Variants in RBMX2 observed in about 807,000 individuals in gnomAD.
RBMX2 encodes RNA binding motif protein X-linked 2, also known as RNA-binding motif protein, X-linked 2.
For synonymous variants in RBMX2, 77 were observed against 94.3 expected (o/e 0.82, Z 1.07); for missense variants, 191 against 256.0 (o/e 0.75, Z 1.73).
In RBMX2 at chrX:130,404,295, T is replaced by C. The variant is rs73634092; in HGVS notation, c.173+442T>C. The C allele has an allele frequency of 7.2e-3, 898 of 125,055 alleles. 14 individuals are homozygous for C. The highest frequency in any genetic ancestry group is 0.027 in the African/African-American group (856 of 31,727). The allele number at this position is 125,055 out of a possible 1,213,427, so 10.3% of individuals were successfully genotyped here. On this transcript the variant is annotated intron_variant, in intron 3 of 5. Coordinates refer to ENST00000305536, the MANE Select transcript of RBMX2 (RefSeq NM_016024.4). ...TTTGCTTTCTTTGTTTCTCGATGAG[T>C]GTAAGGTTAGTGAGCAAAGGCAATC... is the stretch of plus-strand genomic sequence containing the variant.
At position 130,409,362 on chromosome X, in the gene RBMX2, C is replaced by T. The variant is rs779160357; in HGVS notation, c.279C>T (p.Ala93=). 20 of 1,206,103 alleles carry T rather than the reference C, an allele frequency of 1.7e-5. No homozygotes were observed. Among genetic ancestry groups the T allele is most frequent in the Middle Eastern group, 2.3e-4 (1 of 4,360 alleles). ...CYEDQRSTIL[A]VDNFNGIKIK... ...AAGACCAGAGGAGCACAATTCTGGC[C>T]GTCGACAATTTTAATGGGATCAAGG... The change falls in exon 4 of 6, where the codon GCC becomes GCT. Residue 93 remains alanine (A), a synonymous_variant. Transcript: ENST00000305536.
Position 130,412,374 on chromosome X carries a change from A to G in RBMX2, c.495A>G (p.Lys165=), listed in dbSNP as rs374930604. Residue 165 remains lysine, a synonymous_variant, in exon 6 of 6, where the codon AAA becomes AAG. Coordinates refer to ENST00000305536, the MANE Select transcript of RBMX2 (RefSeq NM_016024.4). ...TKKHKKDKKE[K]KKKKKEKEKA... ...TTTATCCTCCAGACAAAAAGGAAAA[A>G]AAGAAAAAAAAGAAAGAAAAAGAGA... The G allele has an allele frequency of 1.5e-5, 17 of 1,151,425 alleles. No homozygotes were observed. The highest frequency in any genetic ancestry group is 2.0e-5 in the Non-Finnish European group (17 of 870,406). The allele number at this position is 1,151,425 out of a possible 1,213,427, so 94.9% of individuals were successfully genotyped here. A position where few individuals can be genotyped will look rare whatever the true frequency, so the allele number is the denominator to read the frequency against.
At position 130,412,973 on chromosome X, in the gene RBMX2, T is replaced by C; in HGVS notation, c.*125T>C. The stretch of plus-strand genomic sequence containing the variant: ...CTGGATTCTTTTAATCCCTTGACTA[T>C]TTAGAGTCATTGGGAGGGCTGCAGT... On this transcript the variant is annotated 3_prime_UTR_variant, in exon 6 of 6. Transcript: ENST00000305536. 1.4e-6 allele frequency: 1 copy of C among 707,592 alleles called. No homozygotes were observed. Among genetic ancestry groups the C allele is most frequent in the South Asian group, 2.9e-5 (1 of 33,931 alleles). The allele number at this position is 707,592 out of a possible 1,213,427, so 58.3% of individuals were successfully genotyped here.
At chrX:130,408,341 A>G (rs1047218356) in intron 3 of RBMX2, among the ~76,000 whole-genome samples, 1 of 112,007 alleles carries the variant, frequency 8.9e-6, no homozygotes, top group African/African-American at 3.2e-5. Context: ...TGCTTTCATT[A>G]GGTTTGCTTT....
intron 4 of RBMX2, among the ~76,000 whole-genome samples, chrX:130,410,665 G>A (rs1264150995): frequency 8.9e-6 from 1 of 112,297 alleles, no homozygotes; most frequent in Admixed American, 9.4e-5. Flanking sequence ...GGGATTACAG[G>A]TGTGAGCCAC....
intron 5 of RBMX2, among the ~76,000 whole-genome samples, chrX:130,411,933 C>G (rs1476826397): frequency 9.0e-6 from 1 of 111,162 alleles, no homozygotes; most frequent in Non-Finnish European, 1.9e-5. Flanking sequence ...TGCACATTCC[C>G]CACTTCCTAG....
rs1225178103 is a variant in RBMX2, at chrX:130,401,991, C to T, written c.-42C>T. 3 of 1,179,737 alleles carry T rather than the reference C, an allele frequency of 2.5e-6. No homozygotes were observed. The highest frequency in any genetic ancestry group is 1.7e-5 in the African/African-American group (1 of 57,213). On this transcript the variant is annotated 5_prime_UTR_variant, in exon 1 of 6. Coordinates refer to ENST00000305536, the MANE Select transcript of RBMX2 (RefSeq NM_016024.4). ...GCCGCGCATGCGCTGCGCTGCCTTT[C>T]CCGGGCGCTGATTCCTGAGTGCTGA... is the stretch of plus-strand genomic sequence containing the variant.
Position 130,412,888 on chromosome X carries a change from T to G in RBMX2, c.*40T>G, listed in dbSNP as rs1317902380. The G allele has an allele frequency of 8.8e-7, 1 of 1,139,171 alleles. No homozygotes were observed. 93.9% of individuals were successfully genotyped at this position (1,139,171 alleles called of 1,213,427 possible). ...CAGTAGATTTGGAAATAATTATGTT[T>G]TTTAAATGCAGTCAAATTCAGTTGG... is the stretch of plus-strand genomic sequence containing the variant. On this transcript the variant is annotated 3_prime_UTR_variant, in exon 6 of 6. Transcript: ENST00000305536.
Position 130,401,999 on chromosome X carries a change from C to G in RBMX2, c.-34C>G, listed in dbSNP as rs758727276. ...TGCGCTGCGCTGCCTTTCCCGGGCG[C>G]TGATTCCTGAGTGCTGAGCGCGAAC... On this transcript the variant is annotated 5_prime_UTR_variant, in exon 1 of 6. Transcript: ENST00000305536. The G allele has an allele frequency of 3.4e-6, 4 of 1,185,052 alleles. No homozygotes were observed. The highest frequency in any genetic ancestry group is 3.0e-5 in the East Asian group (1 of 32,855).
At chrX:130,404,094 G>A in intron 3 of RBMX2, 1 of 377,652 alleles carries the variant, frequency 2.6e-6, no homozygotes. Flanking sequence ...TATTTCTGTT[G>A]TTTTTCACTG....
In RBMX2 at chrX:130,410,931, C is replaced by T. The variant is rs187794430; in HGVS notation, c.304-417C>T. Among the ~76,000 whole-genome samples, 101 of 112,280 alleles carry T rather than the reference C, an allele frequency of 9.0e-4. 1 individual carries two copies. The highest frequency in any genetic ancestry group is 3.1e-3 in the African/African-American group (97 of 30,924). ...AGATTTCAAGAATTCCTTCTAGTTG[C>T]CAGACCTTCCTAGGGTATGTTTCAC... On this transcript the variant is annotated intron_variant, in intron 4 of 5. Coordinates refer to ENST00000305536, the MANE Select transcript of RBMX2 (RefSeq NM_016024.4).
intron 3 of RBMX2, 99 bp downstream of exon 3, chrX:130,403,952 G>T (rs2034470364): frequency 1.2e-6 from 1 of 838,280 alleles, no homozygotes; most frequent in Non-Finnish European, 1.8e-6. Flanking sequence ...TTCACTCTAG[G>T]CTGAATGGCA....
At chrX:130,403,747 T>C in intron 2 of RBMX2, 55 bp from the exon 3 acceptor site, 1 of 1,087,413 alleles carries the variant, frequency 9.2e-7, no homozygotes. Flanking sequence ...GTGCGTGGTA[T>C]GTAGTAAACA....
At chrX:130,406,213 C>T (rs1394881870) in intron 3 of RBMX2, among the ~76,000 whole-genome samples, 1 of 110,238 alleles carries the variant, frequency 9.1e-6, no homozygotes, top group Non-Finnish European at 1.9e-5. Flanking sequence ...ATTTGCAGCC[C>T]ATTATTTTTC....
chrX:130,409,472 G>T, intron 4 of RBMX2, 86 bp downstream of exon 4: 1 of 989,887 alleles, frequency 1.0e-6, no homozygotes. Context: ...CAGACACAAG[G>T]GCAGCACTTG....
At chrX:130,404,169 G>T (rs2034471844) in intron 3 of RBMX2, 2 of 275,115 alleles carry the variant, frequency 7.3e-6, no homozygotes, top group Non-Finnish European at 6.6e-6. Context: ...CAAACTAGGG[G>T]TAACCCATGG....
chrX:130,405,929 A>G lies in RBMX2; in HGVS notation c.173+2076A>G, dbSNP rs866046528. 6.5e-3 allele frequency among the ~76,000 whole-genome samples: 334 copies of G among 51,205 alleles called. 27 individuals are homozygous for G. Among genetic ancestry groups the G allele is most frequent in the South Asian group, 0.017 (17 of 996 alleles). The allele number at this position is 51,205 out of a possible 115,157, so 44.5% of individuals were successfully genotyped here. On this transcript the variant is annotated intron_variant, in intron 3 of 5. Coordinates refer to ENST00000305536, the MANE Select transcript of RBMX2 (RefSeq NM_016024.4). ...GAGTGCAGTGGCGGGATCTCGGCTC[A>G]CTGCAAGCTCCGCCTCCCGGGTTCA... is the stretch of plus-strand genomic sequence containing the variant.
At chrX:130,405,837 T>A (rs868591837) in intron 3 of RBMX2, among the ~76,000 whole-genome samples, 195 of 17,591 alleles carry the variant, frequency 0.011, 3 homozygotes, top group African/African-American at 0.11. Context: ...CTTTGCCTTT[T>A]TTTTTTTTTT....
chrX:130,409,219 TAAG>T (rs1320512114), intron 3 of RBMX2, 35 bp from the exon 4 acceptor site: 3 of 1,155,549 alleles, frequency 2.6e-6, no homozygotes, highest in Admixed American at 4.9e-5. Flanking sequence ...TTTTGCCTTT[TAAG>T]TCAACAGTGT....
Sources: gnomAD v4.1 joint callset for allele counts (sites outside exome capture counted in the v4.1 genomes callset) on GRCh38, gnomAD v4.1.1 for gene constraint, MANE v1.5 for transcripts, NCBI Gene and HGNC (gene_info 2026-07-23, HGNC 2026-07-21) for gene names.